ARHGEF38: variants seen among roughly 807,000 people sequenced by gnomAD.
ARHGEF38 encodes Rho guanine nucleotide exchange factor (GEF) 38.
In ARHGEF38, 79 loss-of-function variants were observed where a neutral mutation model predicts 79.9. That is an observed-to-expected ratio of 0.99 (90% CI 0.82 to 1.19). The LOEUF (loss-of-function observed/expected upper bound fraction) is 1.19, where lower values mean the gene tolerates loss of function less well. ARHGEF38 is among the 50% of genes most tolerant of loss of function. ARHGEF38 has a pLI of 0.00. For missense variants in ARHGEF38, 962 were observed against 907.2 expected (o/e 1.06, Z -0.78); for synonymous variants, 366 against 328.3 (o/e 1.11, Z -1.24).
intron 2 of ARHGEF38, among the ~76,000 whole-genome samples, chr4:105,597,347 G>A (rs928734109): frequency 6.6e-5 from 10 of 152,182 alleles, no homozygotes; most frequent in Non-Finnish European, 1.2e-4. Flanking sequence ...GATGGTCACA[G>A]AGGACTCTTG....
rs185867960 is a variant in ARHGEF38 at position 105,644,485 on chromosome 4, C to T, written c.675-703C>T. 6.6e-5 allele frequency among the ~76,000 whole-genome samples: 10 copies of T among 152,294 alleles called. No individual in the cohort carries two copies. In the East Asian group the frequency reaches 1.4e-3, roughly 21 times the overall value. ...CTGTGAACTGCCTAACCAGTTGGAA[C>T]GGCTCCAACTTCGTCTCAGAAGCTG... is the stretch of plus-strand genomic sequence containing the variant. On this transcript the variant is annotated intron_variant, in intron 5 of 13. Coordinates refer to ENST00000420470, the MANE Select transcript of ARHGEF38 (RefSeq NM_001242729.2).
intron 2 of ARHGEF38, among the ~76,000 whole-genome samples, chr4:105,598,046 A>G (rs1345831773): frequency 2.0e-5 from 3 of 152,022 alleles, no homozygotes; most frequent in Non-Finnish European, 4.4e-5. Flanking sequence ...TCAGAGGGGT[A>G]GAGACTACGT....
At chr4:105,619,535 C>A (rs975415638) in intron 3 of ARHGEF38, among the ~76,000 whole-genome samples, 3 of 151,938 alleles carry the variant, frequency 2.0e-5, no homozygotes, top group African/African-American at 7.3e-5. Flanking sequence ...CTAACTAATA[C>A]AGATTAACAG....
chr4:105,662,083 C>A (rs535950874), intron 10 of ARHGEF38, among the ~76,000 whole-genome samples: 1 of 152,218 alleles, frequency 6.6e-6, no homozygotes, highest in African/African-American at 2.4e-5. Context: ...CCACTTGTAA[C>A]ATGTAAGAAA....
intron 13 of ARHGEF38, among the ~76,000 whole-genome samples, chr4:105,669,643 T>C (rs1417750895): frequency 6.6e-6 from 1 of 152,170 alleles, no homozygotes; most frequent in Non-Finnish European, 1.5e-5. Flanking sequence ...ATATAATTAA[T>C]CCATTTTTAA....
chr4:105,648,177 C>T (rs192580365), intron 6 of ARHGEF38, among the ~76,000 whole-genome samples: 44 of 152,160 alleles, frequency 2.9e-4, no homozygotes, highest in Non-Finnish European at 5.9e-4. Context: ...TGTGAGCCAC[C>T]GTGCCCGGCT....
At chr4:105,623,580 G>GT (rs1728826007) in intron 3 of ARHGEF38, among the ~76,000 whole-genome samples, 1 of 152,176 alleles carries the variant, frequency 6.6e-6, no homozygotes, top group African/African-American at 2.4e-5. Flanking sequence ...TAAGATGTCA[G>GT]TTGTTAAAGA....
rs1252559729 is a variant in ARHGEF38, at chr4:105,561,495, GAATA to G, written c.196+8535_196+8538del. The G allele has an allele frequency of 4.2e-5, 6 of 143,342 alleles. 1 individual carries two copies. The highest frequency in any genetic ancestry group is 2.1e-4 in the Admixed American group (3 of 14,436). The allele number at this position is 143,342 out of a possible 1,614,324, so 8.9% of individuals were successfully genotyped here. A position where few individuals can be genotyped will look rare whatever the true frequency, so the allele number is the denominator to read the frequency against. On this transcript the variant is annotated intron_variant, in intron 1 of 13. Transcript: ENST00000420470. ...GAATAGAATAGAATAGAATAGAATAGAATAGAATAGAATAGAATAGAATAGAATA... is the reference window on the plus strand; with the variant it reads ...GAATAGAATAGAATAGAATAGAATAGGAATAGAATAGAATAGAATAGAATA...
chr4:105,679,404 A>C lies in ARHGEF38; in HGVS notation c.*1467A>C, dbSNP rs1420253074. ...AATCTGAGACACTGCATTACTATTC[A>C]GCTTTCTAAGTTCTTTCCAAGCACA... On this transcript the variant is annotated 3_prime_UTR_variant, in exon 14 of 14. Transcript: ENST00000420470. 1 of 1,520,448 alleles carries C rather than the reference A, an allele frequency of 6.6e-7. No individual in the cohort carries two copies. The highest frequency in any genetic ancestry group is 1.4e-5 in the African/African-American group (1 of 73,006). 94.2% of individuals were successfully genotyped at this position (1,520,448 alleles called of 1,614,324 possible).
In ARHGEF38 at chr4:105,667,351, A is replaced by G; in HGVS notation, c.1888+24A>G. Reference sequence around the variant, plus strand: ...AAGTAAGTTTTTCCCCAGAACTACCACTCTTCTTTAAACTGAGATTTTTCT... The same window carrying G: ...AAGTAAGTTTTTCCCCAGAACTACCGCTCTTCTTTAAACTGAGATTTTTCT... On this transcript the variant is annotated intron_variant, in intron 12 of 13. Coordinates refer to ENST00000420470, the MANE Select transcript of ARHGEF38 (RefSeq NM_001242729.2). The G allele has an allele frequency of 3.3e-6, 5 of 1,534,526 alleles. No homozygotes were observed. The South Asian group carries it at 6.0e-5, about 18-fold the overall frequency.
rs1725606683 is a variant in ARHGEF38 at position 105,561,495 on chromosome 4, GAATAGAATAGAATAGAATA to G, written c.196+8535_196+8553del. On this transcript the variant is annotated intron_variant, in intron 1 of 13. Transcript: ENST00000420470. Reference sequence around the variant, plus strand: ...GAATAGAATAGAATAGAATAGAATAGAATAGAATAGAATAGAATAGAATAGAATAGAATAGAATAGAATA... The same window carrying G: ...GAATAGAATAGAATAGAATAGAATAGGAATAGAATAGAATAGAATAGAATA... The G allele has an allele frequency of 6.3e-5, 9 of 143,468 alleles. 1 individual carries two copies. The Middle Eastern group carries it at 0.015, about 236-fold the overall frequency. 8.9% of individuals were successfully genotyped at this position (143,468 alleles called of 1,614,324 possible). A position where few individuals can be genotyped will look rare whatever the true frequency, so the allele number is the denominator to read the frequency against.
At chr4:105,568,177 C>T (rs1005271443) in intron 1 of ARHGEF38, among the ~76,000 whole-genome samples, 7 of 151,930 alleles carry the variant, frequency 4.6e-5, no homozygotes, top group Admixed American at 1.3e-4. Context: ...TAATCCAGTC[C>T]ATCACATGAA....
chr4:105,612,337 TTC>T (rs1247979857), intron 2 of ARHGEF38, among the ~76,000 whole-genome samples: 5 of 152,262 alleles, frequency 3.3e-5, no homozygotes, highest in African/African-American at 1.2e-4. Flanking sequence ...TTTAATTGGA[TTC>T]TCTGTCTCTT....
intron 10 of ARHGEF38, among the ~76,000 whole-genome samples, chr4:105,662,669 G>C (rs7696836): frequency 2.0e-5 from 3 of 151,934 alleles, no homozygotes; most frequent in Non-Finnish European, 4.4e-5. Context: ...TCTTGTTACT[G>C]CTTTCTCAAT....
intron 3 of ARHGEF38, among the ~76,000 whole-genome samples, chr4:105,626,849 C>T (rs780020018): frequency 1.3e-5 from 2 of 151,512 alleles, no homozygotes; most frequent in African/African-American, 2.4e-5. Flanking sequence ...TCTACAGTCC[C>T]TTCTGGAACT....
At chr4:105,578,670 T>C (rs1726628130) in intron 1 of ARHGEF38, among the ~76,000 whole-genome samples, 1 of 152,160 alleles carries the variant, frequency 6.6e-6, no homozygotes, top group Non-Finnish European at 1.5e-5. Context: ...AAAATGACCT[T>C]TTTGTCTTTT....
At position 105,562,776 on chromosome 4, in the gene ARHGEF38, C is replaced by G. The variant is rs79939099; in HGVS notation, c.196+9815C>G. 8.7e-4 allele frequency among the ~76,000 whole-genome samples: 133 copies of G among 152,268 alleles called. No individual in the cohort carries two copies. The East Asian group carries it at 0.018, about 21-fold the overall frequency. The stretch of plus-strand genomic sequence containing the variant: ...AGTATACTGCAAATTGGGTTTCCGA[C>G]TTGCAAATTCTGAAATAGAGATTCG... On this transcript the variant is annotated intron_variant, in intron 1 of 13. Coordinates refer to ENST00000420470, the MANE Select transcript of ARHGEF38 (RefSeq NM_001242729.2).
chr4:105,598,884 T>C (rs1189652689), intron 2 of ARHGEF38, among the ~76,000 whole-genome samples: 4 of 152,162 alleles, frequency 2.6e-5, no homozygotes, highest in Admixed American at 6.5e-5. Context: ...AAATGTGAAA[T>C]GTTAAATTTA....
chr4:105,648,819 C>CCTCT (rs71586108), intron 7 of ARHGEF38, 137 bp downstream of exon 7: 6,352 of 490,878 alleles, frequency 0.013, 289 homozygotes, highest in African/African-American at 0.11. Context: ...CTCTTGTCTC[C>CCTCT]CTCTCTCTCT....
Sources: allele counts gnomAD v4.1 joint callset (sites outside exome capture counted in the v4.1 genomes callset), GRCh38; gene constraint gnomAD v4.1.1; transcripts MANE v1.5; gene names NCBI Gene and HGNC (gene_info 2026-07-23, HGNC 2026-07-21).